The following C1QTNF7 variants were observed in gnomAD, a reference collection of about 807,000 sequenced individuals.
The protein encoded by C1QTNF7 is complement C1q tumor necrosis factor-related protein 7.
Under a neutral mutation model 19.6 loss-of-function variants are expected in C1QTNF7, and 15 were observed. The ratio of observed to expected loss-of-function variants is 0.76; its 90% CI spans 0.51 to 1.18. The LOEUF (loss-of-function observed/expected upper bound fraction) is 1.18. Ranked by LOEUF, C1QTNF7 falls within the 50% of genes most tolerant of loss-of-function variation. The pLI, the probability that C1QTNF7 is intolerant of heterozygous loss-of-function variation, is 0.00. For missense variants in C1QTNF7, 324 were observed against 359.7 expected (o/e 0.90, Z 0.80); for synonymous variants, 142 against 137.5 (o/e 1.03, Z -0.23).
intron 1 of C1QTNF7, among the ~76,000 whole-genome samples, chr4:15,429,876 T>G (rs1712230302): frequency 1.3e-5 from 2 of 152,190 alleles, no homozygotes; most frequent in South Asian, 4.1e-4. Flanking sequence ...GCTGCACCAT[T>G]TTACATTCCC....
chr4:15,357,809 A>T (rs1392224706), intron 1 of C1QTNF7, among the ~76,000 whole-genome samples: 1 of 152,104 alleles, frequency 6.6e-6, no homozygotes, highest in East Asian at 1.9e-4. Context: ...CATCCCTCGT[A>T]AGTTGTATTC....
intron 2 of C1QTNF7, among the ~76,000 whole-genome samples, chr4:15,436,811 A>G (rs374145331): frequency 1.3e-5 from 2 of 152,342 alleles, no homozygotes; most frequent in South Asian, 4.1e-4. Flanking sequence ...TGCTGAGCAT[A>G]AAAGTTGGGA....
intron 1 of C1QTNF7, among the ~76,000 whole-genome samples, chr4:15,373,683 G>C (rs1717816244): frequency 6.6e-6 from 1 of 152,114 alleles, no homozygotes; most frequent in Non-Finnish European, 1.5e-5. Flanking sequence ...TTCTTTCTGA[G>C]GCACATGTTA....
intron 1 of C1QTNF7, among the ~76,000 whole-genome samples, chr4:15,383,544 C>T (rs1426911396): frequency 6.6e-6 from 1 of 152,220 alleles, no homozygotes; most frequent in Non-Finnish European, 1.5e-5. Flanking sequence ...TCCCACACAC[C>T]TTTCACTTGC....
intron 1 of C1QTNF7, among the ~76,000 whole-genome samples, chr4:15,364,886 G>A (rs1560343153): frequency 1.3e-5 from 2 of 152,266 alleles, no homozygotes; most frequent in East Asian, 3.9e-4. Flanking sequence ...TGGTCTCTCT[G>A]AACAGAGAGT....
upstream of C1QTNF7, among the ~76,000 whole-genome samples, chr4:15,424,061 T>C (rs893275017): frequency 6.6e-6 from 1 of 152,228 alleles, no homozygotes; most frequent in Admixed American, 6.5e-5. Context: ...CCAAATTCTG[T>C]TGGATCTTTC....
intron 2 of C1QTNF7, among the ~76,000 whole-genome samples, 160 bp from the exon 3 acceptor site, chr4:15,442,008 G>A (rs1484042178): frequency 6.7e-6 from 1 of 148,978 alleles, no homozygotes; most frequent in East Asian, 2.0e-4. Context: ...GTGATAGAGT[G>A]AGACTCCATC....
At chr4:15,378,675 C>A (rs184631611) in intron 1 of C1QTNF7, among the ~76,000 whole-genome samples, 3 of 152,322 alleles carry the variant, frequency 2.0e-5, no homozygotes, top group Non-Finnish European at 1.5e-5. Flanking sequence ...TTCACAATTA[C>A]TTCCTGTGTG....
At chr4:15,386,006 C>CA (rs1374576868) in intron 1 of C1QTNF7, among the ~76,000 whole-genome samples, 3 of 152,220 alleles carry the variant, frequency 2.0e-5, no homozygotes, top group East Asian at 3.8e-4. Flanking sequence ...CAGAAAAACT[C>CA]AAATACCAGA....
At chr4:15,342,087 T>G (rs776939703) in intron 1 of C1QTNF7, among the ~76,000 whole-genome samples, 30 of 152,130 alleles carry the variant, frequency 2.0e-4, no homozygotes, top group Non-Finnish European at 4.1e-4. Flanking sequence ...CTGGGGGGCT[T>G]TGTAATGAAA....
chr4:15,434,622 G>A (rs1712458040), intron 1 of C1QTNF7, among the ~76,000 whole-genome samples: 2 of 151,986 alleles, frequency 1.3e-5, no homozygotes, highest in African/African-American at 4.8e-5. Flanking sequence ...CTAATACTAA[G>A]GACCATTTAG....
intron 1 of C1QTNF7, among the ~76,000 whole-genome samples, chr4:15,403,136 CT>C (rs895690143): frequency 6.6e-6 from 1 of 152,108 alleles, no homozygotes. Context: ...GAGTCCCATG[CT>C]TCCCCAAAAT....
chr4:15,411,588 G>T (rs1297470932), intron 1 of C1QTNF7, among the ~76,000 whole-genome samples: 2 of 152,124 alleles, frequency 1.3e-5, no homozygotes, highest in African/African-American at 4.8e-5. Flanking sequence ...GGTGGAGCTG[G>T]GCTTCAAACC....
chr4:15,409,654 G>T (rs1045093017), intron 1 of C1QTNF7, among the ~76,000 whole-genome samples: 1 of 152,182 alleles, frequency 6.6e-6, no homozygotes, highest in African/African-American at 2.4e-5. Flanking sequence ...GTCTAGTCAG[G>T]CTGAGCTCCT....
At chr4:15,432,137 T>C (rs1269438905) in intron 1 of C1QTNF7, among the ~76,000 whole-genome samples, 3 of 152,118 alleles carry the variant, frequency 2.0e-5, no homozygotes, top group South Asian at 2.1e-4. Context: ...AGGAATCCAG[T>C]GTGACTGGAG....
intron 1 of C1QTNF7, among the ~76,000 whole-genome samples, chr4:15,354,589 G>A (rs1328447251): frequency 6.6e-6 from 1 of 152,028 alleles, no homozygotes; most frequent in Non-Finnish European, 1.5e-5. Flanking sequence ...GCATATCCAG[G>A]CTGCCTGTGC....
chr4:15,413,560 G>A (rs1174670378), intron 1 of C1QTNF7, among the ~76,000 whole-genome samples: 2 of 152,208 alleles, frequency 1.3e-5, no homozygotes, highest in African/African-American at 2.4e-5. Context: ...TCTAGAGCTC[G>A]TATTCCCTCT....
intron 1 of C1QTNF7, among the ~76,000 whole-genome samples, chr4:15,361,446 T>C (rs1351121312): frequency 6.6e-6 from 1 of 152,148 alleles, no homozygotes; most frequent in Non-Finnish European, 1.5e-5. Flanking sequence ...TGCCATAATC[T>C]CAGCATAGAC....
chr4:15,407,959 T>C (rs7661435), intron 1 of C1QTNF7, among the ~76,000 whole-genome samples: 16,387 of 151,906 alleles, frequency 0.11, 1,380 homozygotes, highest in African/African-American at 0.2. Context: ...AGAATGTATA[T>C]ATGTGCGTAT....
Sources: gnomAD v4.1 joint callset for allele counts (sites outside exome capture counted in the v4.1 genomes callset) on GRCh38, gnomAD v4.1.1 for gene constraint, MANE v1.5 for transcripts, NCBI Gene and HGNC (gene_info 2026-07-23, HGNC 2026-07-21) for gene names.